Variants in SUMF1 observed in about 807,000 individuals in gnomAD.
SUMF1 encodes formylglycine-generating enzyme.
A neutral mutation model predicts 47.6 loss-of-function variants in SUMF1; 48 were observed. The ratio of observed to expected loss-of-function variants is 1.01; its 90% CI spans 0.80 to 1.28. SUMF1 has a LOEUF of 1.28. Among genes scored for constraint, SUMF1 ranks in the 50% most tolerant of loss-of-function variants. SUMF1 has a pLI of 0.00. For missense variants in SUMF1, 571 were observed against 485.4 expected, an observed-to-expected ratio of 1.18 and a Z score of -1.66; for synonymous variants, 230 against 192.1, an observed-to-expected ratio of 1.20 and a Z score of -1.63.
At chr3:4,289,865 C>T (rs1697706543) in intron 8 of SUMF1, among the ~76,000 whole-genome samples, 1 of 152,088 alleles carries the variant, frequency 6.6e-6, no homozygotes, top group African/African-American at 2.4e-5. Context: ...AAAAATAAAC[C>T]TTTCTTTATT....
At chr3:4,040,328 A>C (rs889331595) in intron 9 of SUMF1, among the ~76,000 whole-genome samples, 4 of 152,140 alleles carry the variant, frequency 2.6e-5, no homozygotes, top group African/African-American at 9.7e-5. Flanking sequence ...TTCTAGGCCT[A>C]TTGCTACTAA....
chr3:4,441,381 T>A (rs1702582428), intron 3 of SUMF1, among the ~76,000 whole-genome samples: 1 of 152,212 alleles, frequency 6.6e-6, no homozygotes, highest in Non-Finnish European at 1.5e-5. Flanking sequence ...GTGAGTTGTA[T>A]CATTATTTCA....
Position 4,087,226 on chromosome 3 carries a change from C to A in SUMF1, c.1015-18481G>T, listed in dbSNP as rs568983107. ...ACACAGACTCTGTGTGTGACCTCAGCCAAGGTATTTAATCTGATTGCCTCA... is the reference window on the plus strand; with the variant it reads ...ACACAGACTCTGTGTGTGACCTCAGACAAGGTATTTAATCTGATTGCCTCA... On this transcript the variant is annotated intron_variant and NMD_transcript_variant, in intron 8 of 12. Coordinates refer to the SUMF1 transcript ENST00000448413. Among the ~76,000 whole-genome samples, 22 of 152,276 alleles carry A rather than the reference C, an allele frequency of 1.4e-4. No individual in the cohort carries two copies. In the South Asian group the frequency reaches 4.6e-3, roughly 32 times the overall value.
At chr3:4,230,475 T>A (rs1280225342) in intron 8 of SUMF1, among the ~76,000 whole-genome samples, 1 of 152,072 alleles carries the variant, frequency 6.6e-6, no homozygotes, top group East Asian at 1.9e-4. Flanking sequence ...TGGTTTATTA[T>A]AAAGGATACA....
At chr3:4,424,529 T>C (rs562516979) in intron 3 of SUMF1, among the ~76,000 whole-genome samples, 1 of 152,258 alleles carries the variant, frequency 6.6e-6, no homozygotes, top group African/African-American at 2.4e-5. Flanking sequence ...TCCAAAATAG[T>C]AAGACCTGAA....
At chr3:4,420,177 GC>G in intron 3 of SUMF1, 31 bp from the exon 4 acceptor site, 9 of 1,560,318 alleles carry the variant, frequency 5.8e-6, no homozygotes, top group Non-Finnish European at 7.0e-6. Context: ...GCTGATGTTA[GC>G]TACTAACATC....
intron 8 of SUMF1, among the ~76,000 whole-genome samples, chr3:4,071,996 G>C (rs1439496151): frequency 6.6e-6 from 1 of 152,190 alleles, no homozygotes; most frequent in African/African-American, 2.4e-5. Context: ...GTACCTGACT[G>C]AGAGATACCT....
At chr3:4,072,634 C>T (rs911786639) in intron 8 of SUMF1, among the ~76,000 whole-genome samples, 1 of 152,102 alleles carries the variant, frequency 6.6e-6, no homozygotes, top group Non-Finnish European at 1.5e-5. Flanking sequence ...TAGAGTAGAA[C>T]ATAAATGACC....
At chr3:4,064,355 A>C (rs969516717) in intron 9 of SUMF1, among the ~76,000 whole-genome samples, 1 of 152,178 alleles carries the variant, frequency 6.6e-6, no homozygotes, top group African/African-American at 2.4e-5. Flanking sequence ...GACAGTTTAC[A>C]AATGCCATGG....
At chr3:4,295,166 T>C (rs1222169851) in intron 8 of SUMF1, among the ~76,000 whole-genome samples, 12 of 152,050 alleles carry the variant, frequency 7.9e-5, no homozygotes, top group African/African-American at 2.2e-4. Flanking sequence ...TGGTTTCCTT[T>C]CTCCACTCAA....
intron 8 of SUMF1, among the ~76,000 whole-genome samples, chr3:4,372,486 G>T (rs1700199584): frequency 6.6e-6 from 1 of 152,006 alleles, no homozygotes; most frequent in African/African-American, 2.4e-5. Context: ...CTAGTTGGGA[G>T]TTTATTAGTT....
intron 7 of SUMF1, among the ~76,000 whole-genome samples, chr3:4,377,775 G>A (rs181081402): frequency 1.3e-5 from 2 of 152,300 alleles, no homozygotes; most frequent in African/African-American, 2.4e-5. Flanking sequence ...AGCCAGAACC[G>A]TATCAGGGGA....
intron 8 of SUMF1, among the ~76,000 whole-genome samples, chr3:4,172,799 A>G (rs1694862757): frequency 6.6e-6 from 1 of 152,024 alleles, no homozygotes; most frequent in Admixed American, 6.5e-5. Flanking sequence ...ATTTTCTCCC[A>G]TTCTGTAGGT....
At chr3:4,218,911 T>TAAAAAAAATG in intron 8 of SUMF1, among the ~76,000 whole-genome samples, 1 of 152,316 alleles carries the variant, frequency 6.6e-6, no homozygotes, top group South Asian at 2.1e-4. Context: ...CTTTTCTCAC[T>TAAAAAAAATG]ATTAAACGCA....
chr3:4,091,516 T>C (rs1202830897), intron 8 of SUMF1, among the ~76,000 whole-genome samples: 1 of 152,154 alleles, frequency 6.6e-6, no homozygotes, highest in Non-Finnish European at 1.5e-5. Flanking sequence ...GACTTCTTTT[T>C]TATGTACAAA....
At chr3:4,036,896 G>C (rs1367960160) in intron 9 of SUMF1, among the ~76,000 whole-genome samples, 1 of 145,918 alleles carries the variant, frequency 6.9e-6, no homozygotes, top group East Asian at 2.0e-4. Flanking sequence ...AAATCACAAG[G>C]AGAATCATAC....
Position 4,352,728 on chromosome 3 carries a change from G to A in SUMF1, c.1014+23602C>T, listed in dbSNP as rs1397442836. Among the ~76,000 whole-genome samples, 9 of 116,112 alleles carry A rather than the reference G, an allele frequency of 7.8e-5. No individual in the cohort carries two copies. In the East Asian group the frequency reaches 7.8e-4, roughly 10 times the overall value. The allele number at this position is 116,112 out of a possible 152,430, so 76.2% of individuals were successfully genotyped here. A position where few individuals can be genotyped will look rare whatever the true frequency, so the allele number is the denominator to read the frequency against. On this transcript the variant is annotated intron_variant and NMD_transcript_variant, in intron 8 of 12. Coordinates refer to the SUMF1 transcript ENST00000448413. ...AAGGATGTAGGTCCATTATTGCTGC[G>A]TGTAAAAAAAAAAAAAAAAAAAAAA...
intron 8 of SUMF1, among the ~76,000 whole-genome samples, chr3:4,143,494 CTT>C (rs1330982324): frequency 6.6e-6 from 1 of 152,074 alleles, no homozygotes; most frequent in Admixed American, 6.5e-5. Flanking sequence ...GGAGTTCACT[CTT>C]GATATTCCAA....
chr3:4,211,864 G>A lies in SUMF1; in HGVS notation c.1015-143119C>T, dbSNP rs545919893. ...CCCACTGCAGTTCAGCAAGGCCTCC[G>A]CAGCCAAACTGCCAGAGTTCTCCTC... On this transcript the variant is annotated intron_variant and NMD_transcript_variant, in intron 8 of 12. Coordinates refer to the SUMF1 transcript ENST00000448413. 1.4e-4 allele frequency among the ~76,000 whole-genome samples: 22 copies of A among 152,228 alleles called. 1 individual carries two copies. The South Asian group carries it at 3.7e-3, about 26-fold the overall frequency.
Sources: allele counts gnomAD v4.1 joint callset (sites outside exome capture counted in the v4.1 genomes callset), GRCh38; gene constraint gnomAD v4.1.1; transcripts MANE v1.5; gene names NCBI Gene and HGNC (gene_info 2026-07-23, HGNC 2026-07-21).